Variants in FAM234B observed in about 807,000 individuals in gnomAD.
FAM234B encodes the protein protein FAM234B.
Under a neutral mutation model 69.3 loss-of-function variants are expected in FAM234B, and 33 were observed. That is an observed-to-expected ratio of 0.48 (90% CI 0.36 to 0.64). FAM234B has a LOEUF of 0.64. FAM234B is among the 30% of genes least tolerant of loss of function. The probability of loss-of-function intolerance (pLI) is 0.00; values close to 1 mark genes in which losing one functional copy is unlikely to be tolerated. For synonymous variants in FAM234B, 306 were observed against 306.9 expected (o/e 1.00, Z 0.03); for missense variants, 697 against 769.7 (o/e 0.91, Z 1.12).
intron 11 of FAM234B, among the ~76,000 whole-genome samples, chr12:13,076,794 A>G (rs1321399557): frequency 6.6e-6 from 1 of 152,252 alleles, no homozygotes; most frequent in Non-Finnish European, 1.5e-5. Context: ...AGGAAACCAA[A>G]GCATTGGGAT....
intron 10 of FAM234B, among the ~76,000 whole-genome samples, chr12:13,072,709 G>A (rs1228865764): frequency 3.4e-5 from 5 of 146,100 alleles, no homozygotes; most frequent in African/African-American, 5.1e-5. Flanking sequence ...CAGCCCAGGC[G>A]ACAGTGCGAG....
rs1865229915 is a variant in FAM234B at position 13,081,727 on chromosome 12, T to C, written c.*1097T>C. On this transcript the variant is annotated 3_prime_UTR_variant, in exon 13 of 13. Transcript: ENST00000197268. ...TGGGAAAATTCTTCTGTAAATACTA[T>C]AACTTTTATAAATGGTTAAGTTATT... is the stretch of plus-strand genomic sequence containing the variant. 6.6e-6 allele frequency: 1 copy of C among 152,212 alleles called. No individual in the cohort carries two copies. The highest frequency in any genetic ancestry group is 2.4e-5 in the African/African-American group (1 of 41,450). 9.4% of individuals were successfully genotyped at this position (152,212 alleles called of 1,614,324 possible).
At chr12:13,076,636 A>G (rs937665058) in intron 11 of FAM234B, among the ~76,000 whole-genome samples, 2 of 152,272 alleles carry the variant, frequency 1.3e-5, no homozygotes, top group Admixed American at 1.3e-4. Flanking sequence ...TTGGAGAAAG[A>G]AGAAAAATCA....
chr12:13,057,455 TC>T (rs1319800276), intron 2 of FAM234B, among the ~76,000 whole-genome samples: 1 of 140,510 alleles, frequency 7.1e-6, no homozygotes, highest in Non-Finnish European at 1.5e-5. Context: ...ATGCTTCCAG[TC>T]TTTTTTTTTT....
At chr12:13,057,338 A>C (rs1864941120) in intron 2 of FAM234B, among the ~76,000 whole-genome samples, 1 of 152,138 alleles carries the variant, frequency 6.6e-6, no homozygotes, top group African/African-American at 2.4e-5. Context: ...ATTCATCTAT[A>C]TTGATGCATT....
At chr12:13,047,819 A>G (rs560380475) in intron 1 of FAM234B, among the ~76,000 whole-genome samples, 1 of 152,306 alleles carries the variant, frequency 6.6e-6, no homozygotes, top group East Asian at 1.9e-4. Flanking sequence ...CCTCAGCCTG[A>G]GTAGGACTTA....
chr12:13,069,392 T>C (rs1053182274), intron 9 of FAM234B, among the ~76,000 whole-genome samples: 2 of 152,254 alleles, frequency 1.3e-5, no homozygotes, highest in African/African-American at 4.8e-5. Context: ...TCTATTTCTA[T>C]ACATTGCACA....
chr12:13,055,670 C>G lies in FAM234B; in HGVS notation c.157C>G (p.Pro53Ala). The G allele has an allele frequency of 6.2e-7, 1 of 1,614,184 alleles. No individual in the cohort carries two copies. Among genetic ancestry groups the G allele is most frequent in the African/African-American group, 1.3e-5 (1 of 75,048 alleles). ...KNGGVKNGKS[P>A]LGEAPEPDSD... ...TGGAGGGGTCAAAAATGGGAAGAGTCCTTTGGGAGAAGCGCCAGAACCCGA... is the reference window on the plus strand; with the variant it reads ...TGGAGGGGTCAAAAATGGGAAGAGTGCTTTGGGAGAAGCGCCAGAACCCGA... The change falls in exon 2 of 13, where the codon CCT becomes GCT. Residue 53 changes from proline (P) to alanine (A), a missense_variant. By Grantham distance (27) the Pro-to-Ala change is conservative. Coordinates refer to ENST00000197268, the MANE Select transcript of FAM234B (RefSeq NM_020853.2).
chr12:13,071,247 G>A lies in FAM234B; in HGVS notation c.1375G>A (p.Val459Ile), dbSNP rs896089285. The A allele has an allele frequency of 1.9e-6, 3 of 1,614,030 alleles. No individual in the cohort carries two copies. The African/African-American group carries it at 4.0e-5, about 22-fold the overall frequency. Residue 459 changes from valine (V) to isoleucine (I), a missense_variant, in exon 10 of 13, where the codon GTT (valine) becomes ATT (isoleucine). Transcript: ENST00000197268. ...QDGVGMKKMM[V>I]VDGDSGSIVW... ...TCTGTCTTCTCTTTTGTAGATGATG[G>A]TTGTGGATGGTGACTCTGGCTCCAT...
chr12:13,070,705 C>G (rs972995737), intron 9 of FAM234B, among the ~76,000 whole-genome samples: 2 of 152,092 alleles, frequency 1.3e-5, no homozygotes, highest in Non-Finnish European at 2.9e-5. Context: ...TTAAACAGCA[C>G]TGCTTTAAAT....
At chr12:13,078,007 C>A (rs1211365629) in intron 11 of FAM234B, among the ~76,000 whole-genome samples, 1 of 151,130 alleles carries the variant, frequency 6.6e-6, no homozygotes. Flanking sequence ...ATTTGCATTT[C>A]TCTGATGGCC....
chr12:13,056,079 G>A (rs1864928297), intron 2 of FAM234B, 133 bp downstream of exon 2: 1 of 910,492 alleles, frequency 1.1e-6, no homozygotes, highest in African/African-American at 1.7e-5. Flanking sequence ...CCCACTGTGT[G>A]GAGGTGGCAA....
intron 10 of FAM234B, among the ~76,000 whole-genome samples, chr12:13,075,579 A>G (rs1271283019): frequency 6.7e-6 from 1 of 150,372 alleles, no homozygotes; most frequent in Non-Finnish European, 1.5e-5. Context: ...CTGGGGCTAC[A>G]GGCATACCAC....
In FAM234B at chr12:13,061,551, T is replaced by C. The variant is rs377546243; in HGVS notation, c.533-24T>C. On this transcript the variant is annotated intron_variant, in intron 3 of 12. Transcript: ENST00000197268. The stretch of plus-strand genomic sequence containing the variant: ...TATCTCCTTTGCCTGCTTTCCTTTT[T>C]TTATCTCTCTTGTGTGCTTTTAGGT... The C allele has an allele frequency of 1.5e-4, 236 of 1,583,032 alleles. 1 individual carries two copies. Among genetic ancestry groups the C allele is most frequent in the Admixed American group, 3.0e-4 (17 of 56,358 alleles).
At chr12:13,065,027 A>G (rs996815582) in intron 5 of FAM234B, among the ~76,000 whole-genome samples, 6 of 152,104 alleles carry the variant, frequency 3.9e-5, no homozygotes, top group African/African-American at 1.4e-4. Flanking sequence ...CATTACAGAC[A>G]TGTTGGCACC....
At chr12:13,056,276 G>A (rs1565507762) in intron 2 of FAM234B, among the ~76,000 whole-genome samples, 1 of 152,186 alleles carries the variant, frequency 6.6e-6, no homozygotes, top group Non-Finnish European at 1.5e-5. Flanking sequence ...ACAGAGAAAA[G>A]CAAGGTTCAA....
At chr12:13,073,806 C>T (rs1865132959) in intron 10 of FAM234B, among the ~76,000 whole-genome samples, 1 of 152,204 alleles carries the variant, frequency 6.6e-6, no homozygotes, top group Admixed American at 6.5e-5. Flanking sequence ...CATTGGTTCT[C>T]TTCAGTTAGG....
intron 11 of FAM234B, among the ~76,000 whole-genome samples, chr12:13,076,430 A>T (rs558842771): frequency 6.6e-6 from 1 of 152,340 alleles, no homozygotes; most frequent in Admixed American, 6.5e-5. Context: ...CCTTCAGCAG[A>T]CATTTAATGA....
chr12:13,046,331 C>G (rs1429733072), intron 1 of FAM234B, among the ~76,000 whole-genome samples: 1 of 152,132 alleles, frequency 6.6e-6, no homozygotes, highest in Non-Finnish European at 1.5e-5. Flanking sequence ...GCATTAGGTA[C>G]AAGTTGTTTT....
Sources: allele counts gnomAD v4.1 joint callset (sites outside exome capture counted in the v4.1 genomes callset), GRCh38; gene constraint gnomAD v4.1.1; transcripts MANE v1.5; gene names NCBI Gene and HGNC (gene_info 2026-07-23, HGNC 2026-07-21).